GPAT4: variants seen among roughly 807,000 people sequenced by gnomAD.
GPAT4 encodes 1-AGP acyltransferase 6.
In GPAT4, 17 loss-of-function variants were observed where a neutral mutation model predicts 58.0. The observed-to-expected ratio is 0.29, with a 90% CI of 0.20 to 0.44. GPAT4 has a LOEUF of 0.44. Among genes scored for constraint, GPAT4 ranks in the 20% least tolerant of loss-of-function variants. The pLI is 1.00. For synonymous variants in GPAT4, 204 were observed against 210.1 expected (o/e 0.97, Z 0.25); for missense variants, 377 against 574.5 (o/e 0.66, Z 3.51).
chr8:41,611,861 G>C (rs374050884), intron 5 of GPAT4, 42 bp from the exon 6 acceptor site: 20 of 1,585,194 alleles, frequency 1.3e-5, no homozygotes, highest in Non-Finnish European at 1.5e-5. Context: ...CTGTCTTCCT[G>C]TATGTAAAAT....
chr8:41,611,645 G>A (rs1172488495), intron 5 of GPAT4, among the ~76,000 whole-genome samples: 1 of 152,202 alleles, frequency 6.6e-6, no homozygotes, highest in Non-Finnish European at 1.5e-5. Context: ...CCCGCCTGTG[G>A]TCTGCGGATG....
intron 1 of GPAT4, among the ~76,000 whole-genome samples, chr8:41,584,443 C>T (rs571863568): frequency 2.2e-4 from 33 of 152,206 alleles, no homozygotes; most frequent in African/African-American, 7.2e-4. Flanking sequence ...GATGAAGAAA[C>T]GGGTATATCC....
chr8:41,612,075 C>T, intron 6 of GPAT4, 83 bp downstream of exon 6: 1 of 1,586,748 alleles, frequency 6.3e-7, no homozygotes, highest in South Asian at 1.1e-5. Flanking sequence ...TGGGAAGACA[C>T]TTCTGAGCTT....
At chr8:41,618,999 T>C (rs1563280939) in intron 12 of GPAT4, 22 bp downstream of exon 12, 1 of 1,613,636 alleles carries the variant, frequency 6.2e-7, no homozygotes, top group Non-Finnish European at 8.5e-7. Context: ...GCCAGGCCTT[T>C]TCAGCTGAGT....
chr8:41,583,806 T>C (rs534285523), intron 1 of GPAT4, among the ~76,000 whole-genome samples: 1 of 152,338 alleles, frequency 6.6e-6, no homozygotes, highest in Admixed American at 6.5e-5. Flanking sequence ...CTTTCATGTT[T>C]TAGTGATTTT....
intron 1 of GPAT4, among the ~76,000 whole-genome samples, chr8:41,587,581 T>C (rs1243758896): frequency 6.6e-6 from 1 of 152,208 alleles, no homozygotes; most frequent in African/African-American, 2.4e-5. Flanking sequence ...TTCCTCATTG[T>C]GTGGGAGCTG....
At chr8:41,611,214 G>A (rs1039013831) in intron 5 of GPAT4, among the ~76,000 whole-genome samples, 1 of 152,206 alleles carries the variant, frequency 6.6e-6, no homozygotes, top group Non-Finnish European at 1.5e-5. Flanking sequence ...AACAGAGCGA[G>A]ACTCCATCTC....
chr8:41,621,759 TGGGGATTAAAGTGCTGC>T lies in GPAT4; in HGVS notation c.*762_*778del, dbSNP rs1265191878. On this transcript the variant is annotated 3_prime_UTR_variant, in exon 13 of 13. Transcript: ENST00000396987. ...TGATTCCTACCTCACAGGGCTGTTGTGGGGATTAAAGTGCTGCGGGTGAGTGAAGGACACATCACGTT... is the reference window on the plus strand; with the variant it reads ...TGATTCCTACCTCACAGGGCTGTTGTGGGTGAGTGAAGGACACATCACGTT... 2 of 152,248 alleles carry T rather than the reference TGGGGATTAAAGTGCTGC, an allele frequency of 1.3e-5. No homozygotes were observed. Among genetic ancestry groups the T allele is most frequent in the Non-Finnish European group, 2.9e-5 (2 of 68,116 alleles). 9.4% of individuals were successfully genotyped at this position (152,248 alleles called of 1,614,324 possible).
chr8:41,596,425 C>T (rs13250941), intron 1 of GPAT4, among the ~76,000 whole-genome samples: 3 of 152,144 alleles, frequency 2.0e-5, no homozygotes, highest in East Asian at 3.9e-4. Flanking sequence ...CCAAAGTACC[C>T]GTACAGCCAT....
At chr8:41,618,525 G>A (rs1416640603) in intron 10 of GPAT4, 159 bp from the exon 11 acceptor site, 5 of 893,472 alleles carry the variant, frequency 5.6e-6, no homozygotes, top group South Asian at 1.5e-5. Flanking sequence ...AGTCAGAACC[G>A]GCCACATGGA....
chr8:41,611,666 G>A (rs567284784), intron 5 of GPAT4, among the ~76,000 whole-genome samples: 1 of 152,308 alleles, frequency 6.6e-6, no homozygotes, highest in South Asian at 2.1e-4. Flanking sequence ...CCGGATTCTA[G>A]GCTGTGAATT....
chr8:41,605,921 T>C (rs954961098), intron 2 of GPAT4, among the ~76,000 whole-genome samples: 1 of 152,078 alleles, frequency 6.6e-6, no homozygotes, highest in Non-Finnish European at 1.5e-5. Context: ...TCTGGCAGCA[T>C]GTGGATCGGA....
chr8:41,592,374 C>T (rs1197150914), intron 1 of GPAT4, among the ~76,000 whole-genome samples: 1 of 152,192 alleles, frequency 6.6e-6, no homozygotes, highest in African/African-American at 2.4e-5. Context: ...GTGATTTGAA[C>T]TCCACCAAGT....
intron 1 of GPAT4, among the ~76,000 whole-genome samples, chr8:41,581,917 G>A (rs1327536025): frequency 6.9e-6 from 1 of 145,282 alleles, no homozygotes; most frequent in Non-Finnish European, 1.5e-5. Flanking sequence ...ACAGGCGTGA[G>A]CCATCGCACC....
chr8:41,581,367 C>T lies in GPAT4; in HGVS notation c.-849+3089C>T, dbSNP rs577435901. On this transcript the variant is annotated intron_variant, in intron 1 of 12. Coordinates refer to ENST00000396987, the MANE Select transcript of GPAT4 (RefSeq NM_178819.4). Reference sequence around the variant, plus strand: ...GTACAATCTTAGTATGTTTGGATCCCACCTCCAGTTAATTTGTAAACCGAA... The same window carrying T: ...GTACAATCTTAGTATGTTTGGATCCTACCTCCAGTTAATTTGTAAACCGAA... 1.5e-3 allele frequency among the ~76,000 whole-genome samples: 223 copies of T among 152,270 alleles called. 1 individual carries two copies. The highest frequency in any genetic ancestry group is 5.0e-3 in the African/African-American group (209 of 41,550).
chr8:41,581,635 T>TC (rs1246261040), intron 1 of GPAT4, among the ~76,000 whole-genome samples: 1 of 147,452 alleles, frequency 6.8e-6, no homozygotes, highest in Non-Finnish European at 1.5e-5. Flanking sequence ...CTTTTTTTTT[T>TC]TTTTTTTTTT....
At chr8:41,589,437 G>A (rs879830662) in intron 1 of GPAT4, among the ~76,000 whole-genome samples, 3 of 152,172 alleles carry the variant, frequency 2.0e-5, no homozygotes, top group Non-Finnish European at 4.4e-5. Flanking sequence ...GACTAGCAAG[G>A]TCATGAGTGC....
intron 2 of GPAT4, among the ~76,000 whole-genome samples, chr8:41,605,936 A>G (rs1803250032): frequency 6.6e-6 from 1 of 152,190 alleles, no homozygotes; most frequent in South Asian, 2.1e-4. Context: ...ATCGGAGGGA[A>G]GCAAGAGGGA....
intron 10 of GPAT4, among the ~76,000 whole-genome samples, chr8:41,615,892 G>A (rs1374881009): frequency 1.3e-5 from 2 of 152,232 alleles, no homozygotes; most frequent in Non-Finnish European, 2.9e-5. Flanking sequence ...CAGTGCCACT[G>A]GAGAGGTGTT....
Sources: gnomAD v4.1 joint callset for allele counts (sites outside exome capture counted in the v4.1 genomes callset) on GRCh38, gnomAD v4.1.1 for gene constraint, MANE v1.5 for transcripts, NCBI Gene and HGNC (gene_info 2026-07-23, HGNC 2026-07-21) for gene names.